Variants in PTPRD observed in about 807,000 individuals in gnomAD.
PTPRD encodes receptor-type tyrosine-protein phosphatase delta.
PTPRD carries 34 observed loss-of-function variants against 214.5 expected under a neutral mutation model. The observed-to-expected ratio is 0.16, with a 90% CI of 0.12 to 0.21. The LOEUF is 0.21. Among genes scored for constraint, PTPRD ranks in the 10% least tolerant of loss-of-function variants. The pLI is 1.00. For synonymous variants in PTPRD, 1,128 were observed against 845.7 expected, an observed-to-expected ratio of 1.33 and a Z score of -5.79; for missense variants, 2,545 against 2,398.7, an observed-to-expected ratio of 1.06 and a Z score of -1.27.
intron 2 of PTPRD, among the ~76,000 whole-genome samples, chr9:10,472,405 T>G (rs1310149988): frequency 6.6e-6 from 1 of 151,410 alleles, no homozygotes; most frequent in Non-Finnish European, 1.5e-5. Context: ...GAATTTATAA[T>G]TTATCTTTTG....
intron 10 of PTPRD, among the ~76,000 whole-genome samples, chr9:9,135,073 G>A (rs2099848823): frequency 6.6e-6 from 1 of 152,142 alleles, no homozygotes; most frequent in African/African-American, 2.4e-5. Context: ...ACATGTCTAT[G>A]TTAATGAGAT....
chr9:9,039,741 T>C (rs2099633441), intron 10 of PTPRD, among the ~76,000 whole-genome samples: 1 of 152,200 alleles, frequency 6.6e-6, no homozygotes, highest in African/African-American at 2.4e-5. Context: ...GTTTGTTTAT[T>C]CCTGAGAATA....
intron 11 of PTPRD, among the ~76,000 whole-genome samples, chr9:8,772,502 A>T (rs2095274852): frequency 6.6e-6 from 1 of 152,072 alleles, no homozygotes; most frequent in Non-Finnish European, 1.5e-5. Flanking sequence ...TTGAAAAATC[A>T]GCTTGGTGTA....
chr9:9,031,886 C>CA (rs1160003505), intron 10 of PTPRD, among the ~76,000 whole-genome samples: 1 of 151,774 alleles, frequency 6.6e-6, no homozygotes, highest in African/African-American at 2.4e-5. Context: ...ATTGGACAGT[C>CA]AAAAAATGGG....
chr9:8,332,641 T>C (rs1165330772), intron 43 of PTPRD, among the ~76,000 whole-genome samples: 3 of 139,518 alleles, frequency 2.2e-5, no homozygotes, highest in African/African-American at 3.3e-5. Context: ...AAGAAGACAC[T>C]AAGGCATTTC....
At chr9:9,633,466 A>G (rs1386510712) in intron 7 of PTPRD, among the ~76,000 whole-genome samples, 4 of 152,190 alleles carry the variant, frequency 2.6e-5, no homozygotes, top group Non-Finnish European at 5.9e-5. Context: ...AATAACACAT[A>G]TATTAATTCC....
chr9:10,026,289 T>C (rs2096922170), intron 4 of PTPRD, among the ~76,000 whole-genome samples: 1 of 152,186 alleles, frequency 6.6e-6, no homozygotes, highest in Non-Finnish European at 1.5e-5. Context: ...AAGAAGCTGA[T>C]GACTCCATCT....
intron 9 of PTPRD, among the ~76,000 whole-genome samples, chr9:9,328,806 CT>C (rs755669056): frequency 0.01 from 1,501 of 144,776 alleles, 66 homozygotes; most frequent in East Asian, 0.087. Context: ...CCAGCTATTT[CT>C]TTTTTTTTTA....
chr9:8,678,072 T>C (rs1274517107), intron 12 of PTPRD, among the ~76,000 whole-genome samples: 2 of 152,102 alleles, frequency 1.3e-5, no homozygotes, highest in Non-Finnish European at 2.9e-5. Flanking sequence ...AGTGTGAAAA[T>C]AAAACACAGG....
At chr9:9,387,686 T>C (rs932744505) in intron 9 of PTPRD, among the ~76,000 whole-genome samples, 12 of 152,074 alleles carry the variant, frequency 7.9e-5, no homozygotes, top group African/African-American at 1.4e-4. Context: ...ATTTGTCACA[T>C]TGAAACAGGA....
At chr9:10,544,982 G>A (rs1320348185) in intron 2 of PTPRD, among the ~76,000 whole-genome samples, 2 of 152,110 alleles carry the variant, frequency 1.3e-5, no homozygotes, top group African/African-American at 2.4e-5. Context: ...GGAAATGGTC[G>A]CATCTCTCTT....
At chr9:9,261,875 T>A (rs2099980284) in intron 9 of PTPRD, among the ~76,000 whole-genome samples, 1 of 151,698 alleles carries the variant, frequency 6.6e-6, no homozygotes, top group Non-Finnish European at 1.5e-5. Context: ...AAGGTAAATA[T>A]CACCACTTAT....
chr9:10,199,342 C>T (rs1020632947), intron 3 of PTPRD, among the ~76,000 whole-genome samples: 12 of 151,986 alleles, frequency 7.9e-5, no homozygotes, highest in South Asian at 2.1e-4. Flanking sequence ...CTACAAATGA[C>T]CTACGTATAA....
At chr9:10,547,619 C>A (rs1266364112) in intron 2 of PTPRD, among the ~76,000 whole-genome samples, 1 of 151,900 alleles carries the variant, frequency 6.6e-6, no homozygotes, top group East Asian at 1.9e-4. Flanking sequence ...ATTCTAGTGT[C>A]TTTTTCTATA....
At chr9:8,581,774 G>C (rs892355186) in intron 14 of PTPRD, among the ~76,000 whole-genome samples, 1 of 145,806 alleles carries the variant, frequency 6.9e-6, no homozygotes, top group Non-Finnish European at 1.5e-5. Context: ...GAAAGGGAAG[G>C]GAAGGGAAGG....
chr9:9,186,891 A>G (rs958997101), intron 9 of PTPRD, among the ~76,000 whole-genome samples: 1 of 151,962 alleles, frequency 6.6e-6, no homozygotes, highest in African/African-American at 2.4e-5. Context: ...TACACATAAA[A>G]ATATTTAGAT....
chr9:8,767,405 C>T (rs955777605), intron 11 of PTPRD, among the ~76,000 whole-genome samples: 1 of 152,142 alleles, frequency 6.6e-6, no homozygotes, highest in Admixed American at 6.5e-5. Context: ...GTTTGAGCCA[C>T]CACACCCGGC....
chr9:9,624,108 G>C (rs997785001), intron 7 of PTPRD, among the ~76,000 whole-genome samples: 1 of 152,104 alleles, frequency 6.6e-6, no homozygotes, highest in Non-Finnish European at 1.5e-5. Flanking sequence ...TGTAACTATG[G>C]TTATGTGGAA....
At chr9:9,671,011 C>T (rs1048663492) in intron 7 of PTPRD, among the ~76,000 whole-genome samples, 16 of 152,114 alleles carry the variant, frequency 1.1e-4, no homozygotes, top group Non-Finnish European at 2.1e-4. Context: ...AAGAGGGCCA[C>T]CATACTCCAG....
Sources: allele counts gnomAD v4.1 joint callset (sites outside exome capture counted in the v4.1 genomes callset), GRCh38; gene constraint gnomAD v4.1.1; transcripts MANE v1.5; gene names NCBI Gene and HGNC (gene_info 2026-07-23, HGNC 2026-07-21).